Variants in SLC6A20 observed in about 807,000 individuals in gnomAD.
The protein encoded by SLC6A20 is solute carrier family 6 member 20, also known as sodium- and chloride-dependent transporter XTRP3.
A neutral mutation model predicts 64.3 loss-of-function variants in SLC6A20; 73 were observed. The observed-to-expected ratio is 1.14, with a 90% confidence interval of 0.94 to 1.38. The LOEUF is 1.38. Ranked by LOEUF, SLC6A20 falls within the 40% of genes most tolerant of loss-of-function variation. The pLI, the probability that SLC6A20 is intolerant of heterozygous loss-of-function variation, is 0.00. For synonymous variants in SLC6A20, 347 were observed against 329.6 expected (o/e 1.05, Z -0.57); for missense variants, 725 against 772.8 (o/e 0.94, Z 0.73).
intron 6 of SLC6A20, among the ~76,000 whole-genome samples, chr3:45,770,916 C>G (rs1699851351): frequency 6.6e-6 from 1 of 152,168 alleles, no homozygotes; most frequent in Non-Finnish European, 1.5e-5. Flanking sequence ...CTCTGTGGCT[C>G]AGCTAGAGGC....
rs748712522 is a variant in SLC6A20 at position 45,782,555 on chromosome 3, C to A, written c.122-332G>T. Among the ~76,000 whole-genome samples the A allele has an allele frequency of 1.3e-4, 20 of 151,738 alleles. 1 individual carries two copies. Among genetic ancestry groups the A allele is most frequent in the South Asian group, 4.2e-4 (2 of 4,792 alleles). On this transcript the variant is annotated intron_variant, in intron 1 of 10. Transcript: ENST00000358525. ...TTCCATCTATCCACCCTACATCCAT[C>A]CATCCTTCCTTCCTTCCATCCATCT... is the stretch of plus-strand genomic sequence containing the variant.
intron 1 of SLC6A20, among the ~76,000 whole-genome samples, chr3:45,790,790 T>C (rs539944208): frequency 6.6e-6 from 1 of 152,310 alleles, no homozygotes; most frequent in Non-Finnish European, 1.5e-5. Context: ...TCCACCTTCT[T>C]AGCCTGTTAT....
chr3:45,757,142 C>A lies in SLC6A20; in HGVS notation c.*1836G>T. 6.6e-6 allele frequency: 1 copy of A among 152,016 alleles called. No individual in the cohort carries two copies. 9.4% of individuals were successfully genotyped at this position (152,016 alleles called of 1,614,324 possible). A position where few individuals can be genotyped will look rare whatever the true frequency, so the allele number is the denominator to read the frequency against. ...TGCCAGCATATCTCACCTCCAGCCA[C>A]AGGGCGGTTTTCTCCTATCTCAGAA... On this transcript the variant is annotated 3_prime_UTR_variant, in exon 11 of 11. Coordinates refer to ENST00000358525, the MANE Select transcript of SLC6A20 (RefSeq NM_020208.4).
chr3:45,771,898 G>T (rs186992369), intron 5 of SLC6A20: 23 of 189,140 alleles, frequency 1.2e-4, no homozygotes, highest in Non-Finnish European at 1.5e-4. Context: ...GATGGAGGGG[G>T]TGTGGCCTGG....
chr3:45,762,860 G>T, intron 9 of SLC6A20, 53 bp downstream of exon 9: 1 of 1,601,288 alleles, frequency 6.2e-7, no homozygotes, highest in Non-Finnish European at 8.5e-7. Context: ...TGAGGGGCGT[G>T]GCCTCTGTGG....
Position 45,765,534 on chromosome 3 carries a change from G to T in SLC6A20, c.1303+3C>A. 2 of 1,611,256 alleles carry T rather than the reference G, an allele frequency of 1.2e-6. No individual in the cohort carries two copies. The highest frequency in any genetic ancestry group is 2.2e-5 in the South Asian group (2 of 90,784). Reference sequence around the variant, plus strand: ...GCCTCCTCCACTGGCTGGCCCCGCTGACCTGAGATGGCCTCCTTGGGCAGG... The same window carrying T: ...GCCTCCTCCACTGGCTGGCCCCGCTTACCTGAGATGGCCTCCTTGGGCAGG... On this transcript the variant is annotated splice_donor_region_variant and intron_variant, in intron 8 of 10. Transcript: ENST00000358525. This position sits in a 1 kb window ranked among gnomAD's most constrained non-coding sequence, Gnocchi z 4.2.
chr3:45,796,257 C>T (rs773011442), intron 1 of SLC6A20, 42 bp downstream of exon 1: 1 of 1,565,410 alleles, frequency 6.4e-7, no homozygotes, highest in South Asian at 1.2e-5. Flanking sequence ...GGCGGGGACG[C>T]GCACAGAGTT....
intron 1 of SLC6A20, chr3:45,790,552 T>G (rs768550311): frequency 6.6e-6 from 1 of 152,102 alleles, no homozygotes; most frequent in Non-Finnish European, 1.5e-5. Flanking sequence ...AGGGCACAGG[T>G]GAGAAAAATT....
Position 45,782,210 on chromosome 3 carries a change from G to A in SLC6A20, c.135C>T (p.Val45=), listed in dbSNP as rs751456014. ...CQMYGGGSFL[V]PYIIMLIVEG... is the part of the protein sequence containing the mutation. Reference sequence around the variant, plus strand: ...CCACGATAAGCATGATGATGTAGGGGACCAGGAAACTACCTGTGGATGTCC... The same window carrying A: ...CCACGATAAGCATGATGATGTAGGGAACCAGGAAACTACCTGTGGATGTCC... Residue 45 remains valine, a synonymous_variant, in exon 2 of 11, where the codon GTC becomes GTT. Coordinates refer to ENST00000358525, the MANE Select transcript of SLC6A20 (RefSeq NM_020208.4). 5 of 1,612,992 alleles carry A rather than the reference G, an allele frequency of 3.1e-6. No homozygotes were observed. The South Asian group carries it at 5.5e-5, about 18-fold the overall frequency.
Position 45,796,423 on chromosome 3 carries a change from C to T in SLC6A20, c.-4G>A, listed in dbSNP as rs1700349511. ...ACAGCGGCCGCGCTTTCTCCATGGC[C>T]CCGGCCTCGGCGCGCTCGGCTCCGG... On this transcript the variant is annotated 5_prime_UTR_variant, in exon 1 of 11. Transcript: ENST00000358525. The T allele has an allele frequency of 1.2e-6, 2 of 1,609,604 alleles. No individual in the cohort carries two copies. Among genetic ancestry groups the T allele is most frequent in the Non-Finnish European group, 1.7e-6 (2 of 1,178,196 alleles).
chr3:45,781,157 T>C (rs1453493604), intron 2 of SLC6A20, among the ~76,000 whole-genome samples: 2 of 150,386 alleles, frequency 1.3e-5, no homozygotes, highest in Non-Finnish European at 3.0e-5. Flanking sequence ...GGAGTGGAGG[T>C]TGCAGTGAGC....
intron 1 of SLC6A20, among the ~76,000 whole-genome samples, chr3:45,782,671 C>A (rs1700117199): frequency 6.6e-6 from 1 of 152,090 alleles, no homozygotes. Flanking sequence ...AACCATCCAT[C>A]CATCCTTCCA....
chr3:45,789,114 G>C (rs1277648508), intron 1 of SLC6A20, among the ~76,000 whole-genome samples: 2 of 152,146 alleles, frequency 1.3e-5, no homozygotes, highest in Admixed American at 1.3e-4. Flanking sequence ...AGAAGTACAA[G>C]TGTGCTAAAA....
intron 1 of SLC6A20, among the ~76,000 whole-genome samples, chr3:45,790,099 C>T (rs558149206): frequency 6.6e-6 from 1 of 152,256 alleles, no homozygotes; most frequent in African/African-American, 2.4e-5. Context: ...TAATCTGTCT[C>T]CTTTGAGGGC....
chr3:45,791,186 C>A (rs563728012), intron 1 of SLC6A20, among the ~76,000 whole-genome samples: 1 of 152,174 alleles, frequency 6.6e-6, no homozygotes, highest in Admixed American at 6.5e-5. Context: ...CTTCCGTCAG[C>A]GTAGTCCCTG....
chr3:45,768,329 A>G (rs563938628), intron 7 of SLC6A20, among the ~76,000 whole-genome samples: 16 of 152,364 alleles, frequency 1.1e-4, no homozygotes, highest in Admixed American at 2.6e-4. Context: ...AAGAAAGAAA[A>G]AAAAAAGAAC....
rs1442344474 is a variant in SLC6A20, at chr3:45,782,199, A to G, written c.146T>C (p.Ile49Thr). The G allele has an allele frequency of 1.2e-6, 2 of 1,613,716 alleles. No homozygotes were observed. ...CGGCATTCCCTCCACGATAAGCATG[A>G]TGATGTAGGGGACCAGGAAACTACC... is the stretch of plus-strand genomic sequence containing the variant. ...GGGSFLVPYI[I>T]MLIVEGMPLL... The change falls in exon 2 of 11, where the codon ATC becomes ACC. Residue 49 changes from isoleucine to threonine, a missense_variant. Coordinates refer to ENST00000358525, the MANE Select transcript of SLC6A20 (RefSeq NM_020208.4).
chr3:45,786,528 C>G (rs1700171894), intron 1 of SLC6A20, among the ~76,000 whole-genome samples: 1 of 152,222 alleles, frequency 6.6e-6, no homozygotes, highest in Non-Finnish European at 1.5e-5. Context: ...CACAAGATGT[C>G]AATGTGTTCC....
intron 2 of SLC6A20, among the ~76,000 whole-genome samples, chr3:45,780,695 G>T (rs1038693004): frequency 2.0e-5 from 3 of 148,842 alleles, no homozygotes; most frequent in African/African-American, 7.4e-5. Flanking sequence ...ACAGAGAGGG[G>T]TGGGAGGCAG....
Sources: gnomAD v4.1 joint callset for allele counts (sites outside exome capture counted in the v4.1 genomes callset) on GRCh38, gnomAD v4.1.1 for gene constraint, Gnocchi (gnomAD v3.1) non-coding constraint, MANE v1.5 for transcripts, NCBI Gene and HGNC (gene_info 2026-07-23, HGNC 2026-07-21) for gene names.